Variants in AIG1 observed in about 807,000 individuals in gnomAD.
AIG1 encodes androgen-induced gene 1 protein.
A neutral mutation model predicts 31.4 loss-of-function variants in AIG1; 23 were observed. The ratio of observed to expected loss-of-function variants is 0.73; its 90% CI spans 0.53 to 1.04. AIG1 has a LOEUF of 1.04. Ranked by LOEUF, AIG1 falls within the 50% of genes least tolerant of loss-of-function variation. The probability of loss-of-function intolerance (pLI) is 0.00; values close to 1 mark genes in which losing one functional copy is unlikely to be tolerated. For missense variants in AIG1, 274 were observed against 295.0 expected, an observed-to-expected ratio of 0.93 and a Z score of 0.52; for synonymous variants, 100 against 110.5, an observed-to-expected ratio of 0.90 and a Z score of 0.60.
At chr6:143,321,148 A>G (rs1484416468) in intron 4 of AIG1, among the ~76,000 whole-genome samples, 8 of 151,910 alleles carry the variant, frequency 5.3e-5, no homozygotes, top group African/African-American at 1.9e-4. Flanking sequence ...AAATGTTTGT[A>G]TCACCAAAAA....
In AIG1 at chr6:143,333,489, G is replaced by A. The variant is rs752068778; in HGVS notation, c.679+44G>A. 10 of 1,594,600 alleles carry A rather than the reference G, an allele frequency of 6.3e-6. No homozygotes were observed. The highest frequency in any genetic ancestry group is 4.5e-5 in the South Asian group (4 of 89,058). On this transcript the variant is annotated intron_variant, in intron 5 of 5. Transcript: ENST00000357847. This position sits in a 1 kb window ranked among gnomAD's most constrained non-coding sequence, Gnocchi z 4.6. ...AACATAAAACAAGAGAATTACTGCC[G>A]GCAACAGTCTATGCAGAGACTGAGG...
intron 4 of AIG1, among the ~76,000 whole-genome samples, chr6:143,289,095 C>T (rs1180792258): frequency 6.6e-6 from 1 of 152,104 alleles, no homozygotes; most frequent in Non-Finnish European, 1.5e-5. Context: ...TCTTTTCAGA[C>T]CCTAAATGGC....
At chr6:143,097,728 CA>C (rs1391470510) in intron 1 of AIG1, among the ~76,000 whole-genome samples, 1 of 152,190 alleles carries the variant, frequency 6.6e-6, no homozygotes, top group African/African-American at 2.4e-5. Flanking sequence ...GAGCAATCTT[CA>C]TATTAGCCAA....
chr6:143,136,999 G>T lies in AIG1; in HGVS notation c.297+9G>T. On this transcript the variant is annotated intron_variant, in intron 2 of 5. Transcript: ENST00000357847. Reference sequence around the variant, plus strand: ...CCTTTCCTGTTGGGGTTGTGAGTATGATGGAGGATGCATTTAGCCACAAAA... The same window carrying T: ...CCTTTCCTGTTGGGGTTGTGAGTATTATGGAGGATGCATTTAGCCACAAAA... 7.2e-7 allele frequency: 1 copy of T among 1,387,304 alleles called. No homozygotes were observed. Among genetic ancestry groups the T allele is most frequent in the Non-Finnish European group, 9.5e-7 (1 of 1,055,110 alleles). The allele number at this position is 1,387,304 out of a possible 1,614,324, so 85.9% of individuals were successfully genotyped here. A position where few individuals can be genotyped will look rare whatever the true frequency, so the allele number is the denominator to read the frequency against.
intron 3 of AIG1, among the ~76,000 whole-genome samples, chr6:143,247,135 C>T (rs1001442191): frequency 1.4e-4 from 15 of 108,244 alleles, no homozygotes; most frequent in Non-Finnish European, 2.6e-4. Flanking sequence ...CTTTGGTGTC[C>T]AAGATTTTTT....
chr6:143,342,745 G>A (rs891575065), downstream of AIG1: 6 of 853,180 alleles, frequency 7.0e-6, no homozygotes, highest in East Asian at 2.4e-5. Flanking sequence ...GTGATGGCCA[G>A]CGGACTCAGG....
rs1779974650 is a variant in AIG1, at chr6:143,098,363, A to G, written c.141+37297A>G. Among the ~76,000 whole-genome samples, 3 of 152,162 alleles carry G rather than the reference A, an allele frequency of 2.0e-5. No individual in the cohort carries two copies. The South Asian group carries it at 6.2e-4, about 32-fold the overall frequency. On this transcript the variant is annotated intron_variant, in intron 1 of 5. Transcript: ENST00000357847. ...CTTGAAGGATTTTCTTAAAACTTGG[A>G]TTCTGGGAAGTGACACTCTTACCTT...
intron 4 of AIG1, among the ~76,000 whole-genome samples, chr6:143,318,899 G>C (rs1775977392): frequency 6.6e-6 from 1 of 152,124 alleles, no homozygotes; most frequent in South Asian, 2.1e-4. Flanking sequence ...CTAATGATCA[G>C]GGAAATGAAA....
intron 1 of AIG1, among the ~76,000 whole-genome samples, chr6:143,094,931 C>T (rs1448320268): frequency 6.6e-6 from 1 of 151,776 alleles, no homozygotes; most frequent in Non-Finnish European, 1.5e-5. Flanking sequence ...TGAAACAGAG[C>T]ACAATGCCAT....
At chr6:143,102,533 TATATA>T (rs1444473366) in intron 1 of AIG1, among the ~76,000 whole-genome samples, 1 of 147,190 alleles carries the variant, frequency 6.8e-6, no homozygotes, top group Non-Finnish European at 1.5e-5. Context: ...ATATGTAAAA[TATATA>T]ATATAGTATA....
At chr6:143,186,290 TA>T (rs1789252940) in intron 3 of AIG1, among the ~76,000 whole-genome samples, 1 of 152,262 alleles carries the variant, frequency 6.6e-6, no homozygotes, top group African/African-American at 2.4e-5. Context: ...CATTTTTGAT[TA>T]TTTTCCTTTT....
chr6:143,071,888 A>T (rs1476434891), intron 1 of AIG1, among the ~76,000 whole-genome samples: 1 of 151,034 alleles, frequency 6.6e-6, no homozygotes, highest in East Asian at 1.9e-4. Context: ...GGCTCAGTTG[A>T]TCCTCCTACC....
chr6:143,180,241 G>A (rs572376201), intron 3 of AIG1, among the ~76,000 whole-genome samples: 1 of 152,200 alleles, frequency 6.6e-6, no homozygotes, highest in Admixed American at 6.5e-5. Context: ...TCTATGATCT[G>A]CAAATCACCC....
At chr6:143,059,954 T>C (rs1776098722), upstream of AIG1, among the ~76,000 whole-genome samples, 1 of 152,182 alleles carries the variant, frequency 6.6e-6, no homozygotes, top group South Asian at 2.1e-4. Flanking sequence ...CATTAAGCCC[T>C]GGTAGTGTAG....
chr6:143,179,934 G>A lies in AIG1; in HGVS notation c.399+14751G>A, dbSNP rs1029854650. Among the ~76,000 whole-genome samples the A allele has an allele frequency of 2.6e-5, 4 of 152,320 alleles. No homozygotes were observed. The East Asian group carries it at 7.7e-4, about 29-fold the overall frequency. On this transcript the variant is annotated intron_variant, in intron 3 of 5. Transcript: ENST00000357847. ...AACTTTATATTCTCAGCAACTTGCA[G>A]CACATGACAAACATTAGGCATTCAA...
In AIG1 at chr6:143,327,525, G is replaced by A. The variant is rs934649090; in HGVS notation, c.516-5757G>A. ...AAAGGAATAAGGAATGTCCCATACT[G>A]TAACCATGTGTGGTTGTCCAGAAAA... On this transcript the variant is annotated intron_variant, in intron 4 of 5. Coordinates refer to ENST00000357847, the MANE Select transcript of AIG1 (RefSeq NM_016108.4). This position sits in a 1 kb window ranked among gnomAD's most constrained non-coding sequence, Gnocchi z 5.3. 15 of 385,464 alleles carry A rather than the reference G, an allele frequency of 3.9e-5. No homozygotes were observed. Among genetic ancestry groups the A allele is most frequent in the African/African-American group, 3.0e-4 (14 of 46,852 alleles). 23.9% of individuals were successfully genotyped at this position (385,464 alleles called of 1,614,324 possible). A position where few individuals can be genotyped will look rare whatever the true frequency, so the allele number is the denominator to read the frequency against.
At chr6:143,218,304 C>T (rs997267103) in intron 3 of AIG1, among the ~76,000 whole-genome samples, 7 of 152,156 alleles carry the variant, frequency 4.6e-5, no homozygotes, top group African/African-American at 1.7e-4. Flanking sequence ...GCTTGGGTCA[C>T]CTGCCCTAGC....
chr6:143,153,671 C>T (rs928446675), intron 2 of AIG1, among the ~76,000 whole-genome samples: 50 of 152,122 alleles, frequency 3.3e-4, no homozygotes, highest in Middle Eastern at 3.4e-3. Flanking sequence ...GCATTTATTA[C>T]TATAAAAGAC....
At chr6:143,089,260 A>G (rs565865382) in intron 1 of AIG1, among the ~76,000 whole-genome samples, 16 of 152,204 alleles carry the variant, frequency 1.1e-4, no homozygotes, top group African/African-American at 3.9e-4. Flanking sequence ...CCAATTTATT[A>G]GAGAATTATA....
Sources: gnomAD v4.1 joint callset for allele counts (sites outside exome capture counted in the v4.1 genomes callset) on GRCh38, gnomAD v4.1.1 for gene constraint, Gnocchi (gnomAD v3.1) non-coding constraint, MANE v1.5 for transcripts, NCBI Gene and HGNC (gene_info 2026-07-23, HGNC 2026-07-21) for gene names.